Variants in ANO3 observed in about 807,000 individuals in gnomAD.
ANO3 encodes the protein anoctamin 3.
Under a neutral mutation model 144.8 loss-of-function variants are expected in ANO3, and 99 were observed. That is an observed-to-expected ratio of 0.68 (90% CI 0.58 to 0.81). The LOEUF is 0.81. Among genes scored for constraint, ANO3 ranks in the 30% least tolerant of loss-of-function variants. The pLI is 0.00. For missense variants in ANO3, 905 were observed against 1,202.2 expected (o/e 0.75, Z 3.66); for synonymous variants, 414 against 392.6 (o/e 1.05, Z -0.64).
chr11:26,307,199 C>T (rs1316932699), upstream of ANO3, among the ~76,000 whole-genome samples: 1 of 150,792 alleles, frequency 6.6e-6, no homozygotes, highest in East Asian at 2.0e-4. Flanking sequence ...ACTAAAAATA[C>T]AAAAATTAGC....
At chr11:26,328,391 A>G (rs1052008695), upstream of ANO3, among the ~76,000 whole-genome samples, 1 of 152,138 alleles carries the variant, frequency 6.6e-6, no homozygotes, top group African/African-American at 2.4e-5. Context: ...CTGCTTTTCC[A>G]TTTCTGTTAC....
chr11:26,273,674 A>AC (rs1371301475), intron 1 of ANO3, among the ~76,000 whole-genome samples: 2 of 145,026 alleles, frequency 1.4e-5, no homozygotes, highest in Admixed American at 7.0e-5. Flanking sequence ...ACACACACAC[A>AC]AATTCTGTCG....
chr11:26,459,299 T>G (rs1859281477), intron 3 of ANO3, among the ~76,000 whole-genome samples: 1 of 152,090 alleles, frequency 6.6e-6, no homozygotes, highest in Non-Finnish European at 1.5e-5. Context: ...TCATTTATCT[T>G]GGGTTTTTAA....
intron 1 of ANO3, among the ~76,000 whole-genome samples, chr11:26,258,146 T>G (rs1258939915): frequency 6.6e-6 from 1 of 152,100 alleles, no homozygotes; most frequent in Non-Finnish European, 1.5e-5. Flanking sequence ...AAAATTGAGG[T>G]ATTCTCATTC....
chr11:26,554,917 T>C (rs1850041602), intron 13 of ANO3, among the ~76,000 whole-genome samples: 1 of 152,126 alleles, frequency 6.6e-6, no homozygotes, highest in African/African-American at 2.4e-5. Flanking sequence ...TTTTGTGCAT[T>C]TTGGGGGTGT....
intron 1 of ANO3, among the ~76,000 whole-genome samples, chr11:26,335,397 C>CT (rs375555803): frequency 9.9e-5 from 15 of 151,012 alleles, no homozygotes; most frequent in South Asian, 4.2e-4. Context: ...AATTTCTTGC[C>CT]TTTTTTTTTC....
chr11:26,399,533 T>C (rs1857096380), intron 1 of ANO3, among the ~76,000 whole-genome samples: 1 of 151,904 alleles, frequency 6.6e-6, no homozygotes, highest in Non-Finnish European at 1.5e-5. Context: ...GTTCTGTCTC[T>C]GTGGGAGGCC....
chr11:26,555,330 CA>C (rs924200872), intron 13 of ANO3, among the ~76,000 whole-genome samples: 2 of 151,938 alleles, frequency 1.3e-5, no homozygotes, highest in African/African-American at 2.4e-5. Context: ...CTAGGAATGC[CA>C]AAAAAATCCA....
upstream of ANO3, among the ~76,000 whole-genome samples, chr11:26,309,199 C>G (rs1854452193): frequency 6.6e-6 from 1 of 152,134 alleles, no homozygotes; most frequent in African/African-American, 2.4e-5. Context: ...ACACAGACAA[C>G]AGGCTGAGCA....
intron 1 of ANO3, among the ~76,000 whole-genome samples, chr11:26,385,893 G>GTGTATATA (rs1183332896): frequency 2.8e-5 from 4 of 143,694 alleles, no homozygotes; most frequent in African/African-American, 1.1e-4. Context: ...CTTTGTGTGT[G>GTGTATATA]TATATATATT....
At chr11:26,421,640 T>G (rs1857755055) in intron 1 of ANO3, among the ~76,000 whole-genome samples, 1 of 152,038 alleles carries the variant, frequency 6.6e-6, no homozygotes, top group Non-Finnish European at 1.5e-5. Flanking sequence ...ACAGTTTACT[T>G]GGTAGGCTTT....
chr11:26,624,538 T>C, intron 18 of ANO3, 40 bp downstream of exon 18: 2 of 1,428,882 alleles, frequency 1.4e-6, no homozygotes, highest in South Asian at 2.3e-5. Flanking sequence ...AGTCAGAAAA[T>C]AACATATGGG....
At chr11:26,654,741 AG>A (rs1362101170) in intron 24 of ANO3, among the ~76,000 whole-genome samples, 1 of 152,184 alleles carries the variant, frequency 6.6e-6, no homozygotes, top group Admixed American at 6.5e-5. Context: ...GTATTTATGT[AG>A]ATATTCTTCA....
chr11:26,271,237 A>T (rs1853432938), intron 1 of ANO3, among the ~76,000 whole-genome samples: 1 of 152,210 alleles, frequency 6.6e-6, no homozygotes, highest in South Asian at 2.1e-4. Flanking sequence ...GCGTAAGTAG[A>T]ATTCACATAT....
intron 1 of ANO3, among the ~76,000 whole-genome samples, chr11:26,333,816 C>T (rs1252356552): frequency 2.0e-5 from 3 of 152,166 alleles, no homozygotes; most frequent in Admixed American, 6.5e-5. Flanking sequence ...TCTACTTCAA[C>T]TCTAAACATT....
At chr11:26,443,866 CT>C in intron 3 of ANO3, 30 bp downstream of exon 3, 3 of 1,448,910 alleles carry the variant, frequency 2.1e-6, no homozygotes, top group Non-Finnish European at 2.9e-6. Context: ...TTACCTACTC[CT>C]TTCCCTCTCT....
At chr11:26,384,549 G>A (rs1398522373) in intron 1 of ANO3, among the ~76,000 whole-genome samples, 1 of 152,158 alleles carries the variant, frequency 6.6e-6, no homozygotes, top group East Asian at 1.9e-4. Flanking sequence ...AGTGCTCAAG[G>A]CCCAATTCTC....
chr11:26,230,113 G>T (rs528153914), intron 1 of ANO3, among the ~76,000 whole-genome samples: 3 of 152,266 alleles, frequency 2.0e-5, no homozygotes, highest in African/African-American at 7.2e-5. Flanking sequence ...TAAAAGAGCT[G>T]CTCTTTCTAG....
chr11:26,220,950 A>C (rs1352226773), intron 1 of ANO3, among the ~76,000 whole-genome samples: 1 of 152,188 alleles, frequency 6.6e-6, no homozygotes, highest in Non-Finnish European at 1.5e-5. Flanking sequence ...TCTTGGGTGC[A>C]TACAGCACTG....
Sources: allele counts gnomAD v4.1 joint callset (sites outside exome capture counted in the v4.1 genomes callset), GRCh38; gene constraint gnomAD v4.1.1; transcripts MANE v1.5; gene names NCBI Gene and HGNC (gene_info 2026-07-23, HGNC 2026-07-21).